Variants in DMD observed in about 807,000 individuals in gnomAD.
The protein encoded by DMD is dystrophin, also known as mutant dystrophin.
Under a neutral mutation model 330.1 loss-of-function variants are expected in DMD, and 63 were observed. That is an observed-to-expected ratio of 0.19 (90% confidence interval 0.16 to 0.24). DMD has a LOEUF of 0.24. DMD is among the 10% of genes least tolerant of loss of function. The pLI is 1.00. For missense variants in DMD, 3,344 were observed against 2,684.1 expected, an observed-to-expected ratio of 1.25 and a Z score of -5.43; for synonymous variants, 1,223 against 959.8, an observed-to-expected ratio of 1.27 and a Z score of -5.07.
intron 7 of DMD, among the ~76,000 whole-genome samples, chrX:32,779,377 G>A (rs2074481138): frequency 9.1e-6 from 1 of 110,235 alleles, no homozygotes; most frequent in African/African-American, 3.3e-5. Flanking sequence ...TTTGATAGCT[G>A]CAAATTAGTC....
intron 58 of DMD, 86 bp from the exon 59 acceptor site, chrX:31,478,460 T>G (rs1033820032): frequency 6.9e-6 from 8 of 1,151,873 alleles, no homozygotes; most frequent in Admixed American, 4.4e-5. Context: ...AAAGAAAGAG[T>G]ACAGTTGAAC....
At chrX:32,873,077 C>G (rs1457302298) in intron 2 of DMD, among the ~76,000 whole-genome samples, 4 of 111,210 alleles carry the variant, frequency 3.6e-5, no homozygotes, top group African/African-American at 1.3e-4. Context: ...ACCCAGCCTC[C>G]GATTCTTTTA....
intron 1 of DMD, among the ~76,000 whole-genome samples, chrX:33,230,060 CTAAAATTATGA>C (rs1408555445): frequency 9.1e-6 from 1 of 109,707 alleles, no homozygotes; most frequent in Non-Finnish European, 1.9e-5. Flanking sequence ...AGCAAAAGGT[CTAAAATTATGA>C]TTTAGAAAAG....
chrX:31,369,817 C>T (rs1157716638), intron 60 of DMD, among the ~76,000 whole-genome samples: 1 of 111,400 alleles, frequency 9.0e-6, no homozygotes, highest in South Asian at 3.8e-4. Context: ...AAAAATAAAC[C>T]TCAACTTAAA....
intron 7 of DMD, among the ~76,000 whole-genome samples, chrX:32,733,061 G>A (rs1223706639): frequency 9.2e-6 from 1 of 108,645 alleles, no homozygotes; most frequent in East Asian, 2.9e-4. Context: ...TAAAAGGATG[G>A]AGGAAGATCT....
At chrX:32,324,251 G>A (rs769164078) in intron 41 of DMD, among the ~76,000 whole-genome samples, 1 of 111,273 alleles carries the variant, frequency 9.0e-6, no homozygotes, top group Non-Finnish European at 1.9e-5. Flanking sequence ...AATATTACAT[G>A]TACCCTATAA....
intron 44 of DMD, among the ~76,000 whole-genome samples, chrX:32,116,451 T>C (rs2096611271): frequency 8.9e-6 from 1 of 112,496 alleles, no homozygotes; most frequent in African/African-American, 3.2e-5. Context: ...GGGACATACT[T>C]ATGTATTCTT....
At chrX:32,619,441 G>T (rs137864526) in intron 11 of DMD, among the ~76,000 whole-genome samples, 1 of 111,444 alleles carries the variant, frequency 9.0e-6, no homozygotes, top group Non-Finnish European at 1.9e-5. Context: ...TGTAGAGAGA[G>T]AGGACGTTAA....
chrX:31,584,347 G>A (rs1344543402), intron 55 of DMD, among the ~76,000 whole-genome samples: 1 of 110,655 alleles, frequency 9.0e-6, no homozygotes, highest in Non-Finnish European at 1.9e-5. Context: ...TTTTAAGTGA[G>A]AACATGTGAT....
At chrX:32,932,871 G>A (rs1023412804) in intron 2 of DMD, among the ~76,000 whole-genome samples, 1 of 111,729 alleles carries the variant, frequency 9.0e-6, no homozygotes, top group African/African-American at 3.3e-5. Context: ...GCTGGAGCTG[G>A]GGATTCACAG....
intron 27 of DMD, among the ~76,000 whole-genome samples, chrX:32,444,034 A>G (rs1221100942): frequency 3.6e-5 from 4 of 110,786 alleles, no homozygotes; most frequent in African/African-American, 6.5e-5. Flanking sequence ...GTGGAAAATC[A>G]AGCTTATAAA....
intron 7 of DMD, among the ~76,000 whole-genome samples, chrX:32,796,628 A>C (rs144989498): frequency 0.042 from 4,672 of 112,014 alleles, 221 homozygotes; most frequent in African/African-American, 0.14. Context: ...CATAAAAATG[A>C]TAAATACTCA....
At chrX:33,168,563 T>C (rs765219451) in intron 1 of DMD, among the ~76,000 whole-genome samples, 45 of 110,635 alleles carry the variant, frequency 4.1e-4, no homozygotes, top group Admixed American at 1.9e-3. Context: ...AAATTAAACA[T>C]ATTAAAGAGA....
intron 9 of DMD, among the ~76,000 whole-genome samples, chrX:32,672,282 A>T (rs898798519): frequency 2.7e-5 from 3 of 110,878 alleles, no homozygotes; most frequent in African/African-American, 9.8e-5. Context: ...TACAGAACAT[A>T]AAAAAAATGC....
intron 3 of DMD, among the ~76,000 whole-genome samples, chrX:32,845,711 G>A (rs751005315): frequency 1.8e-5 from 2 of 111,717 alleles, no homozygotes; most frequent in Non-Finnish European, 3.8e-5. Flanking sequence ...AACAGTTAAG[G>A]GCAAGAGCTA....
intron 44 of DMD, among the ~76,000 whole-genome samples, chrX:32,082,667 C>T (rs943586142): frequency 8.9e-6 from 1 of 112,021 alleles, no homozygotes; most frequent in Non-Finnish European, 1.9e-5. Context: ...CATACATCTA[C>T]TTCTCAGTTT....
intron 59 of DMD, among the ~76,000 whole-genome samples, chrX:31,466,215 C>T (rs1163112771): frequency 4.5e-5 from 5 of 112,112 alleles, no homozygotes; most frequent in African/African-American, 1.6e-4. Context: ...GCTTTTGTTG[C>T]CATTGCTTTT....
intron 4 of DMD, among the ~76,000 whole-genome samples, chrX:32,836,582 CATTTTT>C (rs1459903232): frequency 1.8e-5 from 2 of 110,916 alleles, no homozygotes; most frequent in Non-Finnish European, 3.8e-5. Flanking sequence ...ATTTTTGTAA[CATTTTT>C]ATTTGAAAGC....
chrX:32,263,082 T>C (rs1026415282), intron 43 of DMD, among the ~76,000 whole-genome samples: 27 of 112,299 alleles, frequency 2.4e-4, no homozygotes, highest in African/African-American at 8.7e-4. Flanking sequence ...AACAACCTAA[T>C]ATGTTGAGAA....
Sources: gnomAD v4.1 joint callset for allele counts (sites outside exome capture counted in the v4.1 genomes callset) on GRCh38, gnomAD v4.1.1 for gene constraint, MANE v1.5 for transcripts, NCBI Gene and HGNC (gene_info 2026-07-23, HGNC 2026-07-21) for gene names.